FGF13: variants seen among roughly 807,000 people sequenced by gnomAD.
The protein encoded by FGF13 is fibroblast growth factor 13, also known as fibroblast growth factor homologous factor 2.
In FGF13, 2 loss-of-function variants were observed where a neutral mutation model predicts 19.5. The observed-to-expected ratio is 0.10, with a 90% confidence interval of 0.04 to 0.32. The LOEUF (loss-of-function observed/expected upper bound fraction) is 0.32, where lower values mean the gene tolerates loss of function less well. Among genes scored for constraint, FGF13 ranks in the 10% least tolerant of loss-of-function variants. FGF13 has a pLI of 1.00. For missense variants in FGF13, 113 were observed against 192.7 expected, an observed-to-expected ratio of 0.59 and a Z score of 2.45; for synonymous variants, 72 against 76.9, an observed-to-expected ratio of 0.94 and a Z score of 0.33.
At chrX:138,838,581 T>A (rs1370309780) in intron 3 of FGF13, among the ~76,000 whole-genome samples, 1 of 112,043 alleles carries the variant, frequency 8.9e-6, no homozygotes, top group Non-Finnish European at 1.9e-5. Flanking sequence ...TCATTCTTTG[T>A]TCTCCATGGG....
intron 1 of FGF13, among the ~76,000 whole-genome samples, chrX:139,183,637 TA>T (rs1282225006): frequency 6.2e-5 from 7 of 112,049 alleles, no homozygotes; most frequent in Non-Finnish European, 1.1e-4. Context: ...ACCATAATTG[TA>T]AACTTCCCGA....
At chrX:138,953,595 CAT>C (rs2091825683) in intron 1 of FGF13, among the ~76,000 whole-genome samples, 1 of 111,333 alleles carries the variant, frequency 9.0e-6, no homozygotes, top group Non-Finnish European at 1.9e-5. Flanking sequence ...AAAAAGAAAA[CAT>C]CTGTCTGCAA....
At chrX:139,175,055 G>A (rs1274831642) in intron 1 of FGF13, among the ~76,000 whole-genome samples, 1 of 111,529 alleles carries the variant, frequency 9.0e-6, no homozygotes, top group Non-Finnish European at 1.9e-5. Flanking sequence ...ATTTGTTTGT[G>A]TCCTCTCTTA....
intron 1 of FGF13, among the ~76,000 whole-genome samples, chrX:138,936,236 T>C (rs1219971825): frequency 8.9e-6 from 1 of 112,415 alleles, no homozygotes; most frequent in Non-Finnish European, 1.9e-5. Context: ...ATCCCTCGGA[T>C]GCTTCTTTCT....
At chrX:139,178,703 G>A (rs746598718) in intron 1 of FGF13, among the ~76,000 whole-genome samples, 19 of 112,138 alleles carry the variant, frequency 1.7e-4, no homozygotes, top group African/African-American at 3.9e-4. Flanking sequence ...CAAGTTATGC[G>A]TAGAAAAACA....
At position 138,710,725 on chromosome X, in the gene FGF13, C is replaced by A. The variant is rs957350157; in HGVS notation, c.187+92G>T. 21 of 1,149,754 alleles carry A rather than the reference C, an allele frequency of 1.8e-5. No individual in the cohort carries two copies. In the African/African-American group the frequency reaches 3.1e-4, roughly 17 times the overall value. 94.8% of individuals were successfully genotyped at this position (1,149,754 alleles called of 1,213,427 possible). A position where few individuals can be genotyped will look rare whatever the true frequency, so the allele number is the denominator to read the frequency against. The stretch of plus-strand genomic sequence containing the variant: ...GGCCTCTTCTGCACAAGATGGGCCA[C>A]CAACAAACTCACCTATGCTACATAC... On this transcript the variant is annotated intron_variant, in intron 1 of 4. Transcript: ENST00000315930.
intron 3 of FGF13, among the ~76,000 whole-genome samples, chrX:138,748,983 T>C (rs936587173): frequency 1.2e-4 from 13 of 111,796 alleles, no homozygotes; most frequent in Non-Finnish European, 2.3e-4. Context: ...CTCTCTGTGC[T>C]TGGCTATAGG....
At chrX:138,873,789 G>A (rs1331470938) in intron 1 of FGF13, among the ~76,000 whole-genome samples, 1 of 111,121 alleles carries the variant, frequency 9.0e-6, no homozygotes, top group Non-Finnish European at 1.9e-5. Flanking sequence ...TTAAGAAAAT[G>A]TGGCACATAT....
intron 3 of FGF13, among the ~76,000 whole-genome samples, chrX:138,807,446 C>T (rs1307153913): frequency 9.0e-6 from 1 of 111,313 alleles, no homozygotes; most frequent in East Asian, 2.8e-4. Context: ...GAAGGAAGCA[C>T]TAAACATGGA....
chrX:139,134,405 T>C (rs1771982993), intron 1 of FGF13, among the ~76,000 whole-genome samples: 3 of 111,795 alleles, frequency 2.7e-5, no homozygotes, highest in Non-Finnish European at 3.8e-5. Flanking sequence ...CAGTGGGACT[T>C]TGCACATGCT....
chrX:139,049,146 CAT>C (rs1330193338), intron 1 of FGF13, among the ~76,000 whole-genome samples: 6 of 110,660 alleles, frequency 5.4e-5, no homozygotes, highest in African/African-American at 2.0e-4. Flanking sequence ...TATTCTCACT[CAT>C]ATGTGGAAGC....
chrX:139,201,037 T>C (rs2084411194), intron 1 of FGF13, among the ~76,000 whole-genome samples: 1 of 112,379 alleles, frequency 8.9e-6, no homozygotes, highest in African/African-American at 3.2e-5. Flanking sequence ...TTAAAGTTTA[T>C]ACAAAGCATA....
At chrX:139,198,746 A>G (rs2084393374) in intron 1 of FGF13, among the ~76,000 whole-genome samples, 1 of 110,954 alleles carries the variant, frequency 9.0e-6, no homozygotes, top group South Asian at 3.9e-4. Context: ...TTTCAGAATT[A>G]ATACTCTGGA....
chrX:139,087,783 C>T (rs955917806), intron 1 of FGF13, among the ~76,000 whole-genome samples: 2 of 112,176 alleles, frequency 1.8e-5, no homozygotes, highest in Non-Finnish European at 3.8e-5. Context: ...GTGCCCCTTA[C>T]ACTGCCCTGA....
chrX:138,956,093 G>A (rs1790101236), intron 1 of FGF13, among the ~76,000 whole-genome samples: 1 of 111,720 alleles, frequency 9.0e-6, no homozygotes, highest in South Asian at 3.8e-4. Context: ...AGGTCGTTTT[G>A]CCAGTGGCCT....
chrX:139,134,956 C>A (rs2083788599), intron 1 of FGF13, among the ~76,000 whole-genome samples: 1 of 111,551 alleles, frequency 9.0e-6, no homozygotes, highest in African/African-American at 3.3e-5. Flanking sequence ...CCTGTCAAGA[C>A]AACTTCTGAG....
chrX:138,884,009 C>T (rs1291040676), intron 1 of FGF13, among the ~76,000 whole-genome samples: 1 of 112,066 alleles, frequency 8.9e-6, no homozygotes, highest in East Asian at 2.8e-4. Context: ...CACTTGCTAG[C>T]TTTGTGATCT....
chrX:138,850,227 C>T (rs966287340), intron 3 of FGF13, among the ~76,000 whole-genome samples: 2 of 111,743 alleles, frequency 1.8e-5, no homozygotes, highest in African/African-American at 6.5e-5. Context: ...TGATAAATGT[C>T]CATCTTATCA....
In FGF13 at chrX:138,688,185, G is replaced by C. The variant is rs183079591; in HGVS notation, c.402+14799C>G. ...TCACCATGTTAGCCAGGATGGTCTCGATCTCCTGACCTTGTGATCTGCCCA... is the reference window on the plus strand; with the variant it reads ...TCACCATGTTAGCCAGGATGGTCTCCATCTCCTGACCTTGTGATCTGCCCA... On this transcript the variant is annotated intron_variant, in intron 3 of 4. Coordinates refer to ENST00000315930, the MANE Select transcript of FGF13 (RefSeq NM_004114.5). Among the ~76,000 whole-genome samples the C allele has an allele frequency of 8.3e-5, 9 of 108,337 alleles. No individual in the cohort carries two copies. The Admixed American group carries it at 9.0e-4, about 11-fold the overall frequency. 94.1% of individuals were successfully genotyped at this position (108,337 alleles called of 115,157 possible). A position where few individuals can be genotyped will look rare whatever the true frequency, so the allele number is the denominator to read the frequency against.
Sources: gnomAD v4.1 joint callset for allele counts (sites outside exome capture counted in the v4.1 genomes callset) on GRCh38, gnomAD v4.1.1 for gene constraint, MANE v1.5 for transcripts, NCBI Gene and HGNC (gene_info 2026-07-23, HGNC 2026-07-21) for gene names.